Variants in HHIPL1 observed in about 807,000 individuals in gnomAD.
The protein encoded by HHIPL1 is HHIP-like protein 1.
Under a neutral mutation model 61.8 loss-of-function variants are expected in HHIPL1, and 43 were observed. That is an observed-to-expected ratio of 0.70 (90% CI 0.55 to 0.90). The LOEUF is 0.90. Ranked by LOEUF, HHIPL1 falls within the 40% of genes least tolerant of loss-of-function variation. HHIPL1 has a pLI of 0.00. For missense variants in HHIPL1, 1,056 were observed against 1,157.7 expected, an observed-to-expected ratio of 0.91 and a Z score of 1.28; for synonymous variants, 482 against 515.8, an observed-to-expected ratio of 0.93 and a Z score of 0.89.
intron 8 of HHIPL1, 125 bp downstream of exon 8, chr14:99,672,524 CT>C: frequency 1.3e-6 from 1 of 746,758 alleles, no homozygotes; most frequent in Non-Finnish European, 2.3e-6. Flanking sequence ...GCCCCTGTGC[CT>C]AGCACTGTGC....
At chr14:99,654,082 G>A (rs191887531) in intron 2 of HHIPL1, among the ~76,000 whole-genome samples, 77 of 151,944 alleles carry the variant, frequency 5.1e-4, no homozygotes, top group African/African-American at 1.7e-3. Context: ...CCAGCTACCC[G>A]GGAGGCTGAG....
upstream of HHIPL1, among the ~76,000 whole-genome samples, chr14:99,644,122 C>G (rs1026823728): frequency 6.6e-6 from 1 of 152,146 alleles, no homozygotes; most frequent in Non-Finnish European, 1.5e-5. Flanking sequence ...TCTGAGTGCT[C>G]CAGCCCTGCC....
the HHIPL1 span, among the ~76,000 whole-genome samples, chr14:99,613,635 A>G: frequency 6.6e-6 from 1 of 151,978 alleles, no homozygotes; most frequent in Admixed American, 6.5e-5. Flanking sequence ...CAGGCCGGGC[A>G]CAGTGGCTCA....
At chr14:99,647,046 T>C (rs1471257982) in intron 1 of HHIPL1, among the ~76,000 whole-genome samples, 1 of 152,020 alleles carries the variant, frequency 6.6e-6, no homozygotes, top group Non-Finnish European at 1.5e-5. Context: ...GGAGCCCGAA[T>C]CAAGGAAGAC....
At chr14:99,673,092 C>T (rs989437060) in intron 8 of HHIPL1, among the ~76,000 whole-genome samples, 5 of 152,110 alleles carry the variant, frequency 3.3e-5, no homozygotes, top group South Asian at 2.1e-4. Flanking sequence ...AACCACTCCG[C>T]GAGCCAAGGA....
At chr14:99,663,514 T>C (rs1272845376) in intron 6 of HHIPL1, among the ~76,000 whole-genome samples, 1 of 152,182 alleles carries the variant, frequency 6.6e-6, no homozygotes, top group Non-Finnish European at 1.5e-5. Flanking sequence ...TGGTGGGTTT[T>C]AGCCGGCTTC....
chr14:99,640,687 C>A (rs1257958928), upstream of HHIPL1, among the ~76,000 whole-genome samples: 4 of 151,996 alleles, frequency 2.6e-5, no homozygotes, highest in Non-Finnish European at 5.9e-5. Context: ...AAAAGTCTAC[C>A]TTCAAATAAC....
chr14:99,637,567 G>A, the HHIPL1 span, among the ~76,000 whole-genome samples: 313 of 149,652 alleles, frequency 2.1e-3, no homozygotes, highest in Middle Eastern at 3.5e-3. Context: ...GCAAGACTCC[G>A]TCTCAAAAAA....
intron 8 of HHIPL1, among the ~76,000 whole-genome samples, chr14:99,674,817 C>G (rs2056367322): frequency 6.6e-6 from 1 of 152,190 alleles, no homozygotes; most frequent in Non-Finnish European, 1.5e-5. Context: ...CAACAGCAGA[C>G]TGGCACAAAG....
the HHIPL1 span, among the ~76,000 whole-genome samples, chr14:99,613,630 C>T: frequency 2.7e-4 from 41 of 151,976 alleles, no homozygotes; most frequent in African/African-American, 9.7e-4. Flanking sequence ...AGTTCCAGGC[C>T]GGGCACAGTG....
the HHIPL1 span, among the ~76,000 whole-genome samples, chr14:99,637,347 A>C: frequency 2.6e-5 from 4 of 152,180 alleles, no homozygotes; most frequent in Non-Finnish European, 5.9e-5. Context: ...AGATCACTTG[A>C]GGTCAGGAGT....
At chr14:99,642,052 G>T (rs543133695), upstream of HHIPL1, among the ~76,000 whole-genome samples, 18 of 151,588 alleles carry the variant, frequency 1.2e-4, no homozygotes, top group African/African-American at 3.4e-4. Context: ...TGATTCTCCC[G>T]CCTCAGCCTC....
the HHIPL1 span, among the ~76,000 whole-genome samples, chr14:99,627,006 T>A: frequency 5.6e-4 from 85 of 152,274 alleles, no homozygotes; most frequent in South Asian, 1.7e-3. The surrounding 1 kb of genome is among the most constrained non-coding windows in gnomAD (Gnocchi z 4.4). Context: ...ATGGAGTTAG[T>A]GCTCACCAAG....
Position 99,675,678 on chromosome 14 carries a change from GC to G in HHIPL1, c.*54del. On this transcript the variant is annotated 3_prime_UTR_variant, in exon 9 of 9. Coordinates refer to ENST00000330710, the MANE Select transcript of HHIPL1 (RefSeq NM_001127258.3). The surrounding 1 kb of genome is among the most constrained non-coding windows in gnomAD (Gnocchi z 5.4). ...CCGCCGGCGGGGGAGCCTGGCAGGG[GC>G]CGCTCCGCCCTGTGTGCGCCCAGCG... The G allele has an allele frequency of 6.9e-7, 1 of 1,454,126 alleles. No homozygotes were observed. Among genetic ancestry groups the G allele is most frequent in the Non-Finnish European group, 9.1e-7 (1 of 1,099,884 alleles). The allele number at this position is 1,454,126 out of a possible 1,614,324, so 90.1% of individuals were successfully genotyped here. A position where few individuals can be genotyped will look rare whatever the true frequency, so the allele number is the denominator to read the frequency against.
intron 1 of HHIPL1, among the ~76,000 whole-genome samples, chr14:99,647,076 T>C (rs2140051524): frequency 6.6e-6 from 1 of 152,184 alleles, no homozygotes; most frequent in African/African-American, 2.4e-5. Context: ...GGCAGGGACT[T>C]GCCCAGTGGT....
upstream of HHIPL1, chr14:99,645,106 G>A: frequency 9.3e-7 from 1 of 1,070,142 alleles, no homozygotes. Context: ...GAGGCCCTGC[G>A]TGTAGGGAAG....
chr14:99,624,165 C>T, the HHIPL1 span, among the ~76,000 whole-genome samples: 1 of 152,228 alleles, frequency 6.6e-6, no homozygotes, highest in Non-Finnish European at 1.5e-5. Context: ...GGAACCAGAG[C>T]TGACTCTCCA....
At chr14:99,630,727 A>G in the HHIPL1 span, among the ~76,000 whole-genome samples, 2,150 of 152,292 alleles carry the variant, frequency 0.014, 61 homozygotes, top group African/African-American at 0.05. Flanking sequence ...TAGGGCTGCT[A>G]CGCCTGCAGA....
chr14:99,637,126 AAGAGAGAGAGAGAAAGGGAGGCAG>A, the HHIPL1 span, among the ~76,000 whole-genome samples: 12 of 126,376 alleles, frequency 9.5e-5, no homozygotes, highest in Admixed American at 1.7e-4. Flanking sequence ...AAAGAAAAGA[AAGAGAGAGAGAGAAAGGGAGGCAG>A]AAAGAAAGAA....
Sources: gnomAD v4.1 joint callset for allele counts (sites outside exome capture counted in the v4.1 genomes callset) on GRCh38, gnomAD v4.1.1 for gene constraint, Gnocchi (gnomAD v3.1) non-coding constraint, MANE v1.5 for transcripts, NCBI Gene and HGNC (gene_info 2026-07-23, HGNC 2026-07-21) for gene names.